Variants in CYP3A5 observed in about 807,000 individuals in gnomAD.
CYP3A5 encodes the protein cytochrome P450 3A5.
Under a neutral mutation model 55.9 loss-of-function variants are expected in CYP3A5, and 51 were observed. The ratio of observed to expected loss-of-function variants is 0.91; its 90% confidence interval spans 0.73 to 1.15. The LOEUF is 1.15. Ranked by LOEUF, CYP3A5 falls within the 50% of genes most tolerant of loss-of-function variation. CYP3A5 has a pLI of 0.00. For missense variants in CYP3A5, 533 were observed against 596.6 expected (o/e 0.89, Z 1.11); for synonymous variants, 196 against 213.9 (o/e 0.92, Z 0.73).
chr7:99,669,046 A>T lies in CYP3A5; in HGVS notation c.319-1981T>A, dbSNP rs1811319681. On this transcript the variant is annotated intron_variant, in intron 4 of 12. Coordinates refer to ENST00000222982, the MANE Select transcript of CYP3A5 (RefSeq NM_000777.5). ...TATTTTCCTATCTGTTAATTTCCAT[A>T]ATAAAAGTAAATATAGTTGCTTATC... Among the ~76,000 whole-genome samples, 6 of 152,356 alleles carry T rather than the reference A, an allele frequency of 3.9e-5. No homozygotes were observed. In the South Asian group the frequency reaches 1.2e-3, roughly 32 times the overall value.
chr7:99,665,045 T>C, intron 7 of CYP3A5, 121 bp downstream of exon 7: 1 of 962,396 alleles, frequency 1.0e-6, no homozygotes, highest in Non-Finnish European at 1.5e-6. Context: ...ATACATATTT[T>C]TGATTATCTT....
At chr7:99,649,685 G>A (rs1389528864) in intron 12 of CYP3A5, among the ~76,000 whole-genome samples, 1 of 152,214 alleles carries the variant, frequency 6.6e-6, no homozygotes, top group African/African-American at 2.4e-5. Flanking sequence ...TATACAGCTA[G>A]TGGTTGAGAA....
At chr7:99,677,726 C>T (rs1034976404) in intron 1 of CYP3A5, among the ~76,000 whole-genome samples, 1 of 152,216 alleles carries the variant, frequency 6.6e-6, no homozygotes, top group Admixed American at 6.5e-5. Flanking sequence ...GCGTGCACCA[C>T]CTGCCAAAGC....
At chr7:99,676,610 T>C in intron 1 of CYP3A5, 1 of 1,279,822 alleles carries the variant, frequency 7.8e-7, no homozygotes, top group South Asian at 1.2e-5. Flanking sequence ...TTTTGTCTTT[T>C]GCACTGATGA....
rs527393064 is a variant in CYP3A5, at chr7:99,660,575, G to C, written c.950C>G (p.Thr317Ser). 6.2e-7 allele frequency: 1 copy of C among 1,613,964 alleles called. No individual in the cohort carries two copies. The highest frequency in any genetic ancestry group is 1.1e-5 in the South Asian group (1 of 91,062). Reference sequence around the variant, plus strand: ...AGGGTGAGTGGCCAGTTCATATAAAGTGAAGGAAAGAACACTGCTGGTGGT... The same window carrying C: ...AGGGTGAGTGGCCAGTTCATATAAACTGAAGGAAAGAACACTGCTGGTGGT... ...YETTSSVLSF[T>S]LYELATHPDV... Residue 317 changes from threonine to serine, a missense_variant, in exon 10 of 13, where the codon ACT becomes AGT. Transcript: ENST00000222982.
Position 99,652,716 on chromosome 7 carries a change from G to A in CYP3A5, c.1090C>T (p.Leu364Phe). The change falls in exon 11 of 13, where the codon CTC (leucine) becomes TTC (phenylalanine). Residue 364 changes from leucine to phenylalanine, a missense_variant. Transcript: ENST00000222982. ...CTAATAGCAACTGGGAATAATCTGA[G>A]TGTTTCATTCACCACCATGTCAAGG... is the stretch of plus-strand genomic sequence containing the variant. ...EYLDMVVNET[L>F]RLFPVAIRLE... 1 of 1,614,116 alleles carries A rather than the reference G, an allele frequency of 6.2e-7. No individual in the cohort carries two copies. Among genetic ancestry groups the A allele is most frequent in the Non-Finnish European group, 8.5e-7 (1 of 1,180,010 alleles).
intron 1 of CYP3A5, among the ~76,000 whole-genome samples, chr7:99,679,568 C>G (rs976379324): frequency 1.3e-5 from 2 of 152,164 alleles, no homozygotes; most frequent in African/African-American, 4.8e-5. Flanking sequence ...CTAAGCTAAT[C>G]AAATCATTCC....
intron 11 of CYP3A5, among the ~76,000 whole-genome samples, chr7:99,651,060 T>C (rs1462532900): frequency 2.0e-5 from 3 of 152,212 alleles, no homozygotes; most frequent in African/African-American, 7.2e-5. Context: ...TTGGAGAGCA[T>C]TCTGAAATAT....
At chr7:99,658,594 CG>C (rs1417262062) in intron 10 of CYP3A5, among the ~76,000 whole-genome samples, 1 of 152,020 alleles carries the variant, frequency 6.6e-6, no homozygotes, top group Non-Finnish European at 1.5e-5. Context: ...ATCTTTGTGG[CG>C]TTCTCTGTAT....
intron 11 of CYP3A5, among the ~76,000 whole-genome samples, chr7:99,650,600 T>G (rs1029157923): frequency 6.6e-6 from 1 of 152,246 alleles, no homozygotes; most frequent in Non-Finnish European, 1.5e-5. Flanking sequence ...CTCACACTTG[T>G]GTTGGTCACA....
At chr7:99,658,052 C>G (rs540657565) in intron 10 of CYP3A5, among the ~76,000 whole-genome samples, 1 of 152,208 alleles carries the variant, frequency 6.6e-6, no homozygotes, top group African/African-American at 2.4e-5. Flanking sequence ...CAGTCTGTGT[C>G]TTTTAATTGG....
At chr7:99,674,455 T>G in intron 3 of CYP3A5, 78 bp downstream of exon 3, 1 of 1,135,274 alleles carries the variant, frequency 8.8e-7, no homozygotes, top group Admixed American at 2.0e-5. Context: ...CATGAAGACC[T>G]GGGCAGAGAC....
At chr7:99,664,193 A>G in intron 7 of CYP3A5, 98 bp from the exon 8 acceptor site, 1 of 1,035,802 alleles carries the variant, frequency 9.7e-7, no homozygotes, top group East Asian at 2.5e-5. Flanking sequence ...GAATAAGAAC[A>G]TCATGATTCT....
At position 99,679,709 on chromosome 7, in the gene CYP3A5, C is replaced by A. The variant is rs557412169; in HGVS notation, c.71+117G>T. ...TTCTATGCGTTTGTAGCGTCCAACA[C>A]TTCAGCTACTTCTCCTTGAACATCT... On this transcript the variant is annotated intron_variant, in intron 1 of 12. Transcript: ENST00000222982. The A allele has an allele frequency of 3.0e-5, 28 of 941,938 alleles. No individual in the cohort carries two copies. In the African/African-American group the frequency reaches 4.1e-4, roughly 14 times the overall value. 58.3% of individuals were successfully genotyped at this position (941,938 alleles called of 1,614,324 possible).
At position 99,650,126 on chromosome 7, in the gene CYP3A5, C is replaced by T; in HGVS notation, c.1360G>A (p.Ala454Thr). 2 of 1,614,108 alleles carry T rather than the reference C, an allele frequency of 1.2e-6. No homozygotes were observed. The highest frequency in any genetic ancestry group is 2.7e-5 in the African/African-American group (2 of 75,042). The change falls in exon 12 of 13, where the codon GCT becomes ACT. Residue 454 changes from alanine to threonine, a missense_variant. Physicochemically the swap from Ala to Thr is moderately conservative, Grantham distance 58. Coordinates refer to ENST00000222982, the MANE Select transcript of CYP3A5 (RefSeq NM_000777.5). ...AAGTTCTGAAGGACTCTGATTAGAG[C>T]AAGTTTCATGTTCATGAGAGCAAAC... ...MRFALMNMKL[A>T]LIRVLQNFSF...
chr7:99,657,901 G>C (rs1024362322), intron 10 of CYP3A5, among the ~76,000 whole-genome samples: 4 of 152,146 alleles, frequency 2.6e-5, no homozygotes, highest in African/African-American at 7.2e-5. Flanking sequence ...GAGTAGGATT[G>C]CAACCCCTGC....
At position 99,666,660 on chromosome 7, in the gene CYP3A5, A is replaced by T; in HGVS notation, c.462T>A (p.Asp154Glu). ...EMFPIIAQYGDVLVRNLRREA... is the reference protein window; with the variant it reads ...EMFPIIAQYGEVLVRNLRREA... ...CCCGCCTCAAGTTTCTCACCAATAC[A>T]TCTCCATACTGGGCAATGATGGGGA... The change falls in exon 6 of 13, where the codon GAT (aspartate) becomes GAA (glutamate). Residue 154 changes from aspartate to glutamate, a missense_variant. Asp to Glu is a conservative substitution (Grantham distance 45, BLOSUM62 2). Transcript: ENST00000222982. 6.2e-7 allele frequency: 1 copy of T among 1,614,038 alleles called. No homozygotes were observed. Among genetic ancestry groups the T allele is most frequent in the Non-Finnish European group, 8.5e-7 (1 of 1,179,948 alleles).
At chr7:99,675,633 T>TCTCCC (rs1563003662) in intron 2 of CYP3A5, among the ~76,000 whole-genome samples, 1 of 4,996 alleles carries the variant, frequency 2.0e-4, no homozygotes. Context: ...TTTTCTCTCC[T>TCTCCC]CTCCTCTCCT....
At chr7:99,672,505 A>T (rs2151444133) in intron 4 of CYP3A5, 75 bp downstream of exon 4, 1 of 1,287,590 alleles carries the variant, frequency 7.8e-7, no homozygotes, top group East Asian at 2.3e-5. Context: ...CCTTCTGTGA[A>T]TATATGTTTT....
Sources: allele counts gnomAD v4.1 joint callset (sites outside exome capture counted in the v4.1 genomes callset), GRCh38; gene constraint gnomAD v4.1.1; transcripts MANE v1.5; gene names NCBI Gene and HGNC (gene_info 2026-07-23, HGNC 2026-07-21).